Variants in SGPL1 observed in about 807,000 individuals in gnomAD.
The protein encoded by SGPL1 is SP-lyase 1.
SGPL1 carries 37 observed loss-of-function variants against 68.9 expected under a neutral mutation model. That is an observed-to-expected ratio of 0.54 (90% CI 0.41 to 0.71). The LOEUF (loss-of-function observed/expected upper bound fraction) is 0.71, where lower values mean the gene tolerates loss of function less well. Ranked by LOEUF, SGPL1 falls within the 30% of genes least tolerant of loss-of-function variation. The pLI, the probability that SGPL1 is intolerant of heterozygous loss-of-function variation, is 0.00. For synonymous variants in SGPL1, 236 were observed against 248.5 expected, an observed-to-expected ratio of 0.95 and a Z score of 0.47; for missense variants, 551 against 704.6, an observed-to-expected ratio of 0.78 and a Z score of 2.47.
Position 70,863,907 on chromosome 10 carries a change from C to A in SGPL1, c.615+4408C>A, listed in dbSNP as rs906203516. 2.0e-5 allele frequency among the ~76,000 whole-genome samples: 3 copies of A among 152,268 alleles called. No homozygotes were observed. In the East Asian group the frequency reaches 5.8e-4, roughly 29 times the overall value. Reference sequence around the variant, plus strand: ...GCAGTCTCTAATGTATCTTCTGGTCCATCCTTTGCTCATCTGTCAGTGTAG... The same window carrying A: ...GCAGTCTCTAATGTATCTTCTGGTCAATCCTTTGCTCATCTGTCAGTGTAG... On this transcript the variant is annotated intron_variant, in intron 7 of 14. Transcript: ENST00000373202.
chr10:70,850,677 C>T (rs1845864469), intron 3 of SGPL1, among the ~76,000 whole-genome samples: 1 of 151,988 alleles, frequency 6.6e-6, no homozygotes, highest in Non-Finnish European at 1.5e-5. Context: ...TAAATTTTGG[C>T]ACATCCATAA....
chr10:70,820,006 C>T (rs1564615564), intron 2 of SGPL1, among the ~76,000 whole-genome samples: 1 of 152,076 alleles, frequency 6.6e-6, no homozygotes, highest in Non-Finnish European at 1.5e-5. Context: ...TCCAGTCTCC[C>T]GTCTTTTCTG....
At chr10:70,820,936 G>C (rs1845328047) in intron 2 of SGPL1, among the ~76,000 whole-genome samples, 1 of 152,172 alleles carries the variant, frequency 6.6e-6, no homozygotes, top group Non-Finnish European at 1.5e-5. Flanking sequence ...AGGGCATTGG[G>C]TCATAGAGTT....
chr10:70,874,987 C>T (rs1358850520), intron 12 of SGPL1, among the ~76,000 whole-genome samples: 1 of 152,170 alleles, frequency 6.6e-6, no homozygotes, highest in Non-Finnish European at 1.5e-5. Context: ...TTTATTAAGA[C>T]CTGCTATACC....
At chr10:70,860,520 A>G (rs1193188331) in intron 7 of SGPL1, 2 of 447,280 alleles carry the variant, frequency 4.5e-6, no homozygotes, top group Admixed American at 2.7e-5. Flanking sequence ...AAACTGTTAA[A>G]AACAGAACCA....
chr10:70,848,939 A>G (rs751588707), intron 3 of SGPL1, among the ~76,000 whole-genome samples: 3 of 152,080 alleles, frequency 2.0e-5, no homozygotes, highest in Non-Finnish European at 4.4e-5. Flanking sequence ...CCTTACTCTC[A>G]ATCCCACTAA....
intron 5 of SGPL1, among the ~76,000 whole-genome samples, chr10:70,855,607 T>C (rs1845951536): frequency 6.6e-6 from 1 of 152,246 alleles, no homozygotes; most frequent in Non-Finnish European, 1.5e-5. Flanking sequence ...AAATGTTTTA[T>C]AGTGCCTGGC....
intron 5 of SGPL1, among the ~76,000 whole-genome samples, chr10:70,856,374 A>G (rs1845964097): frequency 6.6e-6 from 1 of 152,224 alleles, no homozygotes; most frequent in South Asian, 2.1e-4. Flanking sequence ...GATATAGTCT[A>G]GGATGTAGAT....
intron 7 of SGPL1, among the ~76,000 whole-genome samples, chr10:70,865,015 C>T (rs1409276292): frequency 6.6e-6 from 1 of 152,212 alleles, no homozygotes; most frequent in Admixed American, 6.5e-5. Context: ...TCATTTTGCT[C>T]ATTTCTCCCT....
intron 3 of SGPL1, among the ~76,000 whole-genome samples, chr10:70,850,285 G>A (rs1845858526): frequency 6.6e-6 from 1 of 152,160 alleles, no homozygotes; most frequent in South Asian, 2.1e-4. Context: ...ACAGTGCTGG[G>A]ATTAGAGGTG....
chr10:70,820,995 A>T (rs1432393752), intron 2 of SGPL1, among the ~76,000 whole-genome samples: 1 of 152,160 alleles, frequency 6.6e-6, no homozygotes, highest in African/African-American at 2.4e-5. Flanking sequence ...CCTGGAGATG[A>T]CCTGGAGTCC....
At chr10:70,817,743 G>A (rs1405481040) in intron 2 of SGPL1, among the ~76,000 whole-genome samples, 1 of 152,190 alleles carries the variant, frequency 6.6e-6, no homozygotes. Flanking sequence ...TAGAGTTATG[G>A]TTCCTCGACA....
At chr10:70,874,019 C>T (rs185858019) in intron 12 of SGPL1, among the ~76,000 whole-genome samples, 1 of 152,154 alleles carries the variant, frequency 6.6e-6, no homozygotes, top group African/African-American at 2.4e-5. Flanking sequence ...CTAAAAATTT[C>T]CATTTCTGGA....
chr10:70,871,232 G>A (rs1424102483), intron 10 of SGPL1, 86 bp downstream of exon 10: 5 of 896,086 alleles, frequency 5.6e-6, no homozygotes, highest in South Asian at 3.4e-5. Flanking sequence ...AAATAGAAGC[G>A]ATTTTTTTTT....
Position 70,816,867 on chromosome 10 carries a change from A to C in SGPL1, c.14A>C (p.Asp5Ala). 1 of 1,614,044 alleles carries C rather than the reference A, an allele frequency of 6.2e-7. No individual in the cohort carries two copies. The highest frequency in any genetic ancestry group is 8.5e-7 in the Non-Finnish European group (1 of 1,179,970). MPST[D>A]LLMLKAFEPY... Reference sequence around the variant, plus strand: ...TGGAAGAGGAAGATGCCTAGCACAGACCTTCTGATGTTGGTGAGCCTTTTG... The same window carrying C: ...TGGAAGAGGAAGATGCCTAGCACAGCCCTTCTGATGTTGGTGAGCCTTTTG... The change falls in exon 2 of 15, where the codon GAC becomes GCC. Residue 5 changes from aspartate to alanine, a missense_variant. Physicochemically the swap from Asp to Ala is moderately radical, Grantham distance 126. Coordinates refer to ENST00000373202, the MANE Select transcript of SGPL1 (RefSeq NM_003901.4).
intron 2 of SGPL1, among the ~76,000 whole-genome samples, chr10:70,817,265 C>T (rs934022195): frequency 6.6e-6 from 1 of 152,150 alleles, no homozygotes; most frequent in Non-Finnish European, 1.5e-5. Context: ...GTGATCCACC[C>T]GCCTTGGCCT....
At chr10:70,844,748 T>G in intron 3 of SGPL1, 110 bp downstream of exon 3, 1 of 1,086,122 alleles carries the variant, frequency 9.2e-7, no homozygotes, top group Non-Finnish European at 1.3e-6. Context: ...TTTGTTTGTT[T>G]GTTTGTTTTT....
intron 2 of SGPL1, 123 bp downstream of exon 2, chr10:70,817,003 C>T (rs1845244568): frequency 7.1e-6 from 7 of 989,068 alleles, no homozygotes; most frequent in Admixed American, 3.5e-5. Flanking sequence ...CGTTTTGCCA[C>T]CTTTTATTTT....
intron 2 of SGPL1, among the ~76,000 whole-genome samples, chr10:70,842,762 T>C (rs994032882): frequency 6.6e-6 from 1 of 152,196 alleles, no homozygotes; most frequent in African/African-American, 2.4e-5. Flanking sequence ...ACATGAGATT[T>C]GGAGGATAGG....
Sources: allele counts gnomAD v4.1 joint callset (sites outside exome capture counted in the v4.1 genomes callset), GRCh38; gene constraint gnomAD v4.1.1; transcripts MANE v1.5; gene names NCBI Gene and HGNC (gene_info 2026-07-23, HGNC 2026-07-21).